The following KIAA1217 variants were observed in gnomAD, a reference collection of about 807,000 sequenced individuals.
KIAA1217 encodes the protein sickle tail protein homolog.
A neutral mutation model predicts 163.9 loss-of-function variants in KIAA1217; 88 were observed. That is an observed-to-expected ratio of 0.54 (90% CI 0.45 to 0.64). KIAA1217 has a LOEUF of 0.64. KIAA1217 is among the 30% of genes least tolerant of loss of function. KIAA1217 has a pLI of 0.00. For synonymous variants in KIAA1217, 903 were observed against 923.1 expected (o/e 0.98, Z 0.39); for missense variants, 2,372 against 2,475.0 (o/e 0.96, Z 0.88).
chr10:24,160,702 T>G (rs926225854), intron 2 of KIAA1217, among the ~76,000 whole-genome samples: 1 of 152,206 alleles, frequency 6.6e-6, no homozygotes, highest in Non-Finnish European at 1.5e-5. Context: ...GTGACCATAT[T>G]GCCCAGAAGG....
At chr10:23,950,675 GGACT>G (rs1411504572) in intron 1 of KIAA1217, among the ~76,000 whole-genome samples, 1 of 152,080 alleles carries the variant, frequency 6.6e-6, no homozygotes, top group African/African-American at 2.4e-5. Context: ...AGCTGGGAGG[GGACT>G]GACCCTGGGC....
chr10:24,224,564 C>A (rs868657949), intron 2 of KIAA1217, among the ~76,000 whole-genome samples: 2 of 151,996 alleles, frequency 1.3e-5, no homozygotes, highest in South Asian at 2.1e-4. Flanking sequence ...AAGTGATCTG[C>A]GTGCCTCAGC....
chr10:23,975,575 G>A (rs1845506001), intron 1 of KIAA1217, among the ~76,000 whole-genome samples: 1 of 152,134 alleles, frequency 6.6e-6, no homozygotes, highest in Admixed American at 6.5e-5. Flanking sequence ...AAAAAGAGGA[G>A]CTCAGATCAC....
At chr10:23,936,824 C>G (rs1223464906) in intron 1 of KIAA1217, among the ~76,000 whole-genome samples, 2 of 152,180 alleles carry the variant, frequency 1.3e-5, no homozygotes, top group Non-Finnish European at 2.9e-5. Flanking sequence ...AACTAATACA[C>G]ACAGAAAGCA....
At chr10:23,771,810 C>T (rs1305354354) in intron 1 of KIAA1217, among the ~76,000 whole-genome samples, 1 of 152,184 alleles carries the variant, frequency 6.6e-6, no homozygotes, top group East Asian at 1.9e-4. Context: ...GAAGCCAAGA[C>T]CAAAGCCCAG....
chr10:23,824,658 A>AATTATATATATAT (rs1837808387), intron 1 of KIAA1217, among the ~76,000 whole-genome samples: 1 of 53,040 alleles, frequency 1.9e-5, no homozygotes, highest in African/African-American at 6.5e-5. Context: ...AAATAAAAAA[A>AATTATATATATAT]ATATATATAT....
At chr10:24,330,105 G>A (rs2028054) in intron 2 of KIAA1217, among the ~76,000 whole-genome samples, 12,698 of 151,986 alleles carry the variant, frequency 0.084, 588 homozygotes, top group African/African-American at 0.12. Flanking sequence ...TTGGAGACCA[G>A]CCTGGCCAAC....
chr10:24,450,112 T>G (rs1259554455), intron 5 of KIAA1217, among the ~76,000 whole-genome samples: 2 of 152,200 alleles, frequency 1.3e-5, no homozygotes, highest in Non-Finnish European at 2.9e-5. Flanking sequence ...GTGACAATTT[T>G]CAGTGTTTTC....
chr10:24,071,306 A>G (rs757038360), intron 2 of KIAA1217, among the ~76,000 whole-genome samples: 15 of 152,190 alleles, frequency 9.9e-5, no homozygotes, highest in Non-Finnish European at 1.9e-4. Context: ...TGGTTTGAAA[A>G]GTACAATTAT....
At chr10:24,254,420 T>C (rs1211694554) in intron 2 of KIAA1217, among the ~76,000 whole-genome samples, 1 of 152,220 alleles carries the variant, frequency 6.6e-6, no homozygotes, top group Non-Finnish European at 1.5e-5. Context: ...CAGTGACTCT[T>C]ATCCAGCAGG....
rs1836001153 is a variant in KIAA1217, at chr10:23,695,875, G to T, written c.-321+641G>T. ...TTGATGTTGGGCGCCTTTGGAAGCT[G>T]GTCATTAATTCTTGTCATCGGGAGG... On this transcript the variant is annotated intron_variant, in intron 1 of 18. Coordinates refer to the KIAA1217 transcript ENST00000376462. This position sits in a 1 kb window ranked among gnomAD's most constrained non-coding sequence, Gnocchi z 4.9. Among the ~76,000 whole-genome samples, 1 of 152,146 alleles carries T rather than the reference G, an allele frequency of 6.6e-6. No homozygotes were observed. Among genetic ancestry groups the T allele is most frequent in the Non-Finnish European group, 1.5e-5 (1 of 68,014 alleles).
At chr10:24,333,882 A>G (rs1591049524) in intron 2 of KIAA1217, among the ~76,000 whole-genome samples, 1 of 152,372 alleles carries the variant, frequency 6.6e-6, no homozygotes, top group Admixed American at 6.5e-5. Context: ...AATGTTAAGT[A>G]TGCAAAGAAC....
chr10:23,991,262 T>A (rs937213308), intron 1 of KIAA1217, among the ~76,000 whole-genome samples: 11 of 152,160 alleles, frequency 7.2e-5, no homozygotes, highest in African/African-American at 2.7e-4. Context: ...CATTGTACAC[T>A]CGATTGTTCA....
intron 2 of KIAA1217, among the ~76,000 whole-genome samples, chr10:24,300,450 A>AT (rs74585163): frequency 0.098 from 14,869 of 152,186 alleles, 1,100 homozygotes; most frequent in East Asian, 0.23. Flanking sequence ...TGGCAGGATC[A>AT]TCTTGAATTG....
chr10:24,184,809 T>C (rs570008724), intron 2 of KIAA1217, among the ~76,000 whole-genome samples: 4 of 152,190 alleles, frequency 2.6e-5, no homozygotes, highest in African/African-American at 9.6e-5. Context: ...TCTGGCCCCA[T>C]AGGTGGTCAT....
intron 2 of KIAA1217, among the ~76,000 whole-genome samples, chr10:24,149,069 A>G (rs1480534386): frequency 1.3e-5 from 2 of 152,226 alleles, no homozygotes; most frequent in Admixed American, 1.3e-4. Context: ...ATGGAATCAC[A>G]GTTAAAGTTT....
At chr10:24,317,551 A>G (rs1044737269) in intron 2 of KIAA1217, among the ~76,000 whole-genome samples, 1 of 152,170 alleles carries the variant, frequency 6.6e-6, no homozygotes, top group Non-Finnish European at 1.5e-5. Context: ...TCAAGTTGAT[A>G]ATAGGTTTGG....
chr10:23,977,822 G>A (rs990693676), intron 1 of KIAA1217, among the ~76,000 whole-genome samples: 26 of 152,180 alleles, frequency 1.7e-4, no homozygotes, highest in African/African-American at 6.0e-4. Context: ...AAATAGACCA[G>A]GAGGAGCAGC....
chr10:23,908,878 C>T (rs922069269), intron 1 of KIAA1217, among the ~76,000 whole-genome samples: 1 of 152,068 alleles, frequency 6.6e-6, no homozygotes, highest in African/African-American at 2.4e-5. Flanking sequence ...CCAGCAATCC[C>T]GTTACTGGGT....
Sources: gnomAD v4.1 joint callset for allele counts (sites outside exome capture counted in the v4.1 genomes callset) on GRCh38, gnomAD v4.1.1 for gene constraint, Gnocchi (gnomAD v3.1) non-coding constraint, MANE v1.5 for transcripts, NCBI Gene and HGNC (gene_info 2026-07-23, HGNC 2026-07-21) for gene names.